GSDME: variants seen among roughly 807,000 people sequenced by gnomAD.
GSDME encodes the protein gasdermin-E.
A neutral mutation model predicts 47.5 loss-of-function variants in GSDME; 44 were observed. The ratio of observed to expected loss-of-function variants is 0.93; its 90% CI spans 0.73 to 1.19. The LOEUF (loss-of-function observed/expected upper bound fraction) is 1.19, where lower values mean the gene tolerates loss of function less well. Among genes scored for constraint, GSDME ranks in the 50% most tolerant of loss-of-function variants. GSDME has a pLI of 0.00. For missense variants in GSDME, 663 were observed against 604.2 expected, an observed-to-expected ratio of 1.10 and a Z score of -1.02; for synonymous variants, 258 against 252.8, an observed-to-expected ratio of 1.02 and a Z score of -0.20.
Position 24,725,729 on chromosome 7 carries a change from A to C in GSDME, c.405-6511T>G, listed in dbSNP as rs1369708835. Among the ~76,000 whole-genome samples the C allele has an allele frequency of 1.3e-5, 2 of 152,302 alleles. No homozygotes were observed. The highest frequency in any genetic ancestry group is 4.8e-5 in the African/African-American group (2 of 41,574). ...TAATGTATAGATAACATAACTGATT[A>C]GGTCAGGGGTCAATCTTTAACGACC... On this transcript the variant is annotated intron_variant, in intron 3 of 9. Coordinates refer to ENST00000645220, the MANE Select transcript of GSDME (RefSeq NM_001127453.2). The surrounding 1 kb of genome is among the most constrained non-coding windows in gnomAD (Gnocchi z 5.1).
intron 3 of GSDME, among the ~76,000 whole-genome samples, chr7:24,719,614 G>A (rs1789700688): frequency 6.6e-6 from 1 of 152,096 alleles, no homozygotes; most frequent in Admixed American, 6.5e-5. Context: ...CCAACATGGT[G>A]AAACCCTGTC....
At position 24,730,770 on chromosome 7, in the gene GSDME, G is replaced by C. The variant is rs576096707; in HGVS notation, c.405-11552C>G. On this transcript the variant is annotated intron_variant, in intron 3 of 9. Transcript: ENST00000645220. The stretch of plus-strand genomic sequence containing the variant: ...GCGGAGGTTGCAGTGAGCTGAGATC[G>C]CACCACTGCACTCCAGCCTGGGCAA... Among the ~76,000 whole-genome samples the C allele has an allele frequency of 2.6e-5, 4 of 152,090 alleles. 1 individual carries two copies. The highest frequency in any genetic ancestry group is 9.7e-5 in the African/African-American group (4 of 41,410).
At chr7:24,761,853 C>G (rs1322705089), upstream of GSDME, among the ~76,000 whole-genome samples, 1 of 152,228 alleles carries the variant, frequency 6.6e-6, no homozygotes, top group East Asian at 1.9e-4. This position sits in a 1 kb window ranked among gnomAD's most constrained non-coding sequence, Gnocchi z 4.4. Context: ...ATTTCCACAA[C>G]AAGCCTAGAT....
rs553328000 is a variant in GSDME at position 24,726,085 on chromosome 7, T to C, written c.405-6867A>G. 6.6e-6 allele frequency among the ~76,000 whole-genome samples: 1 copy of C among 152,212 alleles called. No homozygotes were observed. Among genetic ancestry groups the C allele is most frequent in the East Asian group, 1.9e-4 (1 of 5,166 alleles). On this transcript the variant is annotated intron_variant, in intron 3 of 9. Transcript: ENST00000645220. This position sits in a 1 kb window ranked among gnomAD's most constrained non-coding sequence, Gnocchi z 5.6. ...GTGGCTCAGAGCCCAGCGTGGTTGC[T>C]GGGGACCAGAGCAGCCCAGCAGGAA... is the stretch of plus-strand genomic sequence containing the variant.
the GSDME span, among the ~76,000 whole-genome samples, chr7:24,778,565 G>T: frequency 6.6e-6 from 1 of 152,154 alleles, no homozygotes; most frequent in Non-Finnish European, 1.5e-5. The surrounding 1 kb of genome is among the most constrained non-coding windows in gnomAD (Gnocchi z 5.6). Flanking sequence ...GGGACAAATT[G>T]GTTGCCCCAG....
chr7:24,744,610 C>T lies in GSDME; in HGVS notation c.356G>A (p.Arg119Lys), dbSNP rs1349632914. The part of the protein sequence containing the change: ...VESQSSFGTL[R>K]KQEVDLQQLI... ...CTGCTGCAAATCCACCTCCTGCTTCCTCAGGGTTCCAAATGAAGACTGGCT... is the reference window on the plus strand; with the variant it reads ...CTGCTGCAAATCCACCTCCTGCTTCTTCAGGGTTCCAAATGAAGACTGGCT... The change falls in exon 3 of 10, where the codon AGG becomes AAG. Residue 119 changes from arginine (R) to lysine (K), a missense_variant. Arg to Lys is a conservative substitution (Grantham distance 26). Coordinates refer to ENST00000645220, the MANE Select transcript of GSDME (RefSeq NM_001127453.2). The surrounding 1 kb of genome is among the most constrained non-coding windows in gnomAD (Gnocchi z 4.5). 4 of 1,614,180 alleles carry T rather than the reference C, an allele frequency of 2.5e-6. No homozygotes were observed. Among genetic ancestry groups the T allele is most frequent in the Non-Finnish European group, 3.4e-6 (4 of 1,180,032 alleles).
rs1789548598 is a variant in GSDME, at chr7:24,716,241, C to T, written c.697+1013G>A. The stretch of plus-strand genomic sequence containing the variant: ...GGAGGAGCGTGAACCAGCGTGTGCC[C>T]ATCAGCCAGCTTCAGCCACTGTCCC... On this transcript the variant is annotated intron_variant, in intron 5 of 9. Transcript: ENST00000645220. This position sits in a 1 kb window ranked among gnomAD's most constrained non-coding sequence, Gnocchi z 4.5. Among the ~76,000 whole-genome samples the T allele has an allele frequency of 6.6e-6, 1 of 152,168 alleles. No individual in the cohort carries two copies. Among genetic ancestry groups the T allele is most frequent in the South Asian group, 2.1e-4 (1 of 4,822 alleles).
intron 1 of GSDME, among the ~76,000 whole-genome samples, chr7:24,753,348 G>A (rs187951936): frequency 6.7e-4 from 102 of 152,306 alleles, no homozygotes; most frequent in African/African-American, 2.3e-3. Context: ...ACACTGCTCA[G>A]CATCTTGCTT....
Position 24,705,594 on chromosome 7 carries a change from G to A in GSDME, c.1183+590C>T, listed in dbSNP as rs1415581712. ...GAGTTCCGGATGGGAGGGGTACAGA[G>A]GTGGCAGAGATTGTTCCACAGTAAC... On this transcript the variant is annotated intron_variant, in intron 8 of 9. Coordinates refer to ENST00000645220, the MANE Select transcript of GSDME (RefSeq NM_001127453.2). This position sits in a 1 kb window ranked among gnomAD's most constrained non-coding sequence, Gnocchi z 4.1. 1 of 168,632 alleles carries A rather than the reference G, an allele frequency of 5.9e-6. No homozygotes were observed. The highest frequency in any genetic ancestry group is 1.3e-5 in the Non-Finnish European group (1 of 77,840). 10.4% of individuals were successfully genotyped at this position (168,632 alleles called of 1,614,324 possible).
chr7:24,749,943 T>C, intron 1 of GSDME, 150 bp from the exon 2 acceptor site: 1 of 625,434 alleles, frequency 1.6e-6, no homozygotes, highest in Admixed American at 2.9e-5. Context: ...CTTTAGCTGA[T>C]AATAAAGAAC....
chr7:24,792,406 G>A, the GSDME span, among the ~76,000 whole-genome samples: 1 of 152,108 alleles, frequency 6.6e-6, no homozygotes, highest in South Asian at 2.1e-4. Flanking sequence ...AGATAAAATG[G>A]TCCTAATTTA....
chr7:24,699,736 C>A (rs1788784386), intron 9 of GSDME, among the ~76,000 whole-genome samples: 2 of 152,206 alleles, frequency 1.3e-5, no homozygotes, highest in South Asian at 4.1e-4. Context: ...AGGCCTGATT[C>A]TATCCAATTT....
At chr7:24,788,243 G>T in the GSDME span, among the ~76,000 whole-genome samples, 10 of 152,182 alleles carry the variant, frequency 6.6e-5, no homozygotes, top group Non-Finnish European at 4.4e-5. This position sits in a 1 kb window ranked among gnomAD's most constrained non-coding sequence, Gnocchi z 4.6. Context: ...CTGGGGCTCT[G>T]GGGCTCTCTC....
chr7:24,784,152 G>T, the GSDME span, among the ~76,000 whole-genome samples: 6 of 152,276 alleles, frequency 3.9e-5, no homozygotes, highest in African/African-American at 1.2e-4. Flanking sequence ...TGAATTTCAG[G>T]TGTGTGTTTC....
intron 3 of GSDME, among the ~76,000 whole-genome samples, chr7:24,729,801 ATCC>A (rs1385361343): frequency 6.6e-6 from 1 of 152,216 alleles, no homozygotes; most frequent in Non-Finnish European, 1.5e-5. Context: ...GCCTGTGGGC[ATCC>A]TCCTAGGACA....
chr7:24,767,019 T>C, the GSDME span, among the ~76,000 whole-genome samples: 1 of 152,204 alleles, frequency 6.6e-6, no homozygotes, highest in Non-Finnish European at 1.5e-5. The surrounding 1 kb of genome is among the most constrained non-coding windows in gnomAD (Gnocchi z 5.3). Flanking sequence ...GATGTTATTT[T>C]TAACATTTAA....
the GSDME span, among the ~76,000 whole-genome samples, chr7:24,772,262 G>A: frequency 6.6e-6 from 1 of 152,162 alleles, no homozygotes; most frequent in Non-Finnish European, 1.5e-5. The surrounding 1 kb of genome is among the most constrained non-coding windows in gnomAD (Gnocchi z 4.5). Context: ...CTCTTCATGT[G>A]GCTGCATCTT....
At chr7:24,775,239 T>A in the GSDME span, among the ~76,000 whole-genome samples, 1 of 152,200 alleles carries the variant, frequency 6.6e-6, no homozygotes, top group Non-Finnish European at 1.5e-5. Flanking sequence ...AGCAAAGACC[T>A]TCTTTCAGAT....
At position 24,736,832 on chromosome 7, in the gene GSDME, TA is replaced by T. The variant is rs1029004864; in HGVS notation, c.404+7729del. 1.3e-5 allele frequency among the ~76,000 whole-genome samples: 2 copies of T among 152,014 alleles called. No homozygotes were observed. Among genetic ancestry groups the T allele is most frequent in the African/African-American group, 4.8e-5 (2 of 41,414 alleles). On this transcript the variant is annotated intron_variant, in intron 3 of 9. Transcript: ENST00000645220. The surrounding 1 kb of genome is among the most constrained non-coding windows in gnomAD (Gnocchi z 4.6). ...AGTACCTTCTCTGACCACAGTGGAATAAAAAAACTATATAGCAATAACAAGG... is the reference window on the plus strand; with the variant it reads ...AGTACCTTCTCTGACCACAGTGGAATAAAAAACTATATAGCAATAACAAGG...
Sources: gnomAD v4.1 joint callset for allele counts (sites outside exome capture counted in the v4.1 genomes callset) on GRCh38, gnomAD v4.1.1 for gene constraint, Gnocchi (gnomAD v3.1) non-coding constraint, MANE v1.5 for transcripts, NCBI Gene and HGNC (gene_info 2026-07-23, HGNC 2026-07-21) for gene names.